Variants in ROBO2 observed in about 807,000 individuals in gnomAD.
ROBO2 encodes roundabout homolog 2.
ROBO2 carries 53 observed loss-of-function variants against 160.8 expected under a neutral mutation model. The observed-to-expected ratio is 0.33, with a 90% CI of 0.26 to 0.41. The LOEUF is 0.41. Among genes scored for constraint, ROBO2 ranks in the 10% least tolerant of loss-of-function variants. The pLI is 1.00. For synonymous variants in ROBO2, 664 were observed against 611.7 expected (o/e 1.09, Z -1.26); for missense variants, 1,577 against 1,722.4 (o/e 0.92, Z 1.49).
intron 2 of ROBO2, among the ~76,000 whole-genome samples, chr3:77,330,740 A>G (rs1431124830): frequency 6.6e-6 from 1 of 152,222 alleles, no homozygotes; most frequent in Non-Finnish European, 1.5e-5. Flanking sequence ...AGGCAGGCAA[A>G]GAAATGTGGG....
chr3:76,520,782 A>G (rs1040671825), intron 2 of ROBO2, among the ~76,000 whole-genome samples: 2 of 152,184 alleles, frequency 1.3e-5, no homozygotes, highest in African/African-American at 4.8e-5. Flanking sequence ...TGACAAAACA[A>G]AACAAAACAA....
chr3:77,200,265 T>G (rs1484666968), intron 2 of ROBO2, among the ~76,000 whole-genome samples: 1 of 59,040 alleles, frequency 1.7e-5, no homozygotes, highest in African/African-American at 5.8e-5. Flanking sequence ...AACTAACATA[T>G]TTTATATATA....
intron 2 of ROBO2, among the ~76,000 whole-genome samples, chr3:76,988,475 A>C (rs12630195): frequency 0.29 from 44,732 of 152,080 alleles, 7,140 homozygotes; most frequent in East Asian, 0.65. Flanking sequence ...TCAGAAATCT[A>C]GAAGAGAGTG....
At chr3:77,479,973 G>A (rs1039117575) in intron 3 of ROBO2, among the ~76,000 whole-genome samples, 6 of 152,062 alleles carry the variant, frequency 3.9e-5, no homozygotes, top group African/African-American at 1.4e-4. Flanking sequence ...AGTTCCATTG[G>A]TCAAATCAAG....
chr3:77,619,263 A>G (rs189070417), intron 22 of ROBO2, among the ~76,000 whole-genome samples: 1 of 152,312 alleles, frequency 6.6e-6, no homozygotes, highest in Non-Finnish European at 1.5e-5. Context: ...ATAGGAAATT[A>G]GAGGGCAGTC....
At chr3:76,467,095 G>A (rs536776584) in intron 2 of ROBO2, among the ~76,000 whole-genome samples, 1 of 152,112 alleles carries the variant, frequency 6.6e-6, no homozygotes, top group South Asian at 2.1e-4. Flanking sequence ...TATTTTATAT[G>A]TTCATGTTTA....
intron 2 of ROBO2, among the ~76,000 whole-genome samples, chr3:76,351,753 A>G (rs891290504): frequency 3.2e-4 from 48 of 152,088 alleles, no homozygotes; most frequent in African/African-American, 1.1e-3. Context: ...TTTTAGGAAG[A>G]GATGACCTGG....
At chr3:76,530,866 C>T (rs1200672489) in intron 2 of ROBO2, among the ~76,000 whole-genome samples, 3 of 152,190 alleles carry the variant, frequency 2.0e-5, no homozygotes, top group Admixed American at 6.5e-5. Context: ...AAAACACCCT[C>T]AACTTCTCTC....
chr3:77,617,035 G>T (rs999284311), intron 21 of ROBO2, among the ~76,000 whole-genome samples: 1 of 152,120 alleles, frequency 6.6e-6, no homozygotes, highest in South Asian at 2.1e-4. Context: ...TAGTCTTAAT[G>T]ACATATGGAA....
At chr3:77,272,871 C>A (rs1255488772) in intron 2 of ROBO2, among the ~76,000 whole-genome samples, 1 of 151,940 alleles carries the variant, frequency 6.6e-6, no homozygotes, top group East Asian at 2.0e-4. Context: ...TAAAAAATCT[C>A]TCTCTATATA....
At chr3:77,460,128 CAG>C (rs2082097319) in intron 2 of ROBO2, among the ~76,000 whole-genome samples, 1 of 151,906 alleles carries the variant, frequency 6.6e-6, no homozygotes, top group African/African-American at 2.4e-5. Flanking sequence ...GACAAAATGA[CAG>C]GGGCGGAAGT....
chr3:76,755,744 T>A (rs1430328474), intron 2 of ROBO2, among the ~76,000 whole-genome samples: 1 of 151,892 alleles, frequency 6.6e-6, no homozygotes, highest in African/African-American at 2.4e-5. Context: ...AATCAGTGAC[T>A]TTGATTTTTG....
intron 2 of ROBO2, among the ~76,000 whole-genome samples, chr3:76,935,876 G>A (rs550179198): frequency 6.4e-4 from 97 of 152,132 alleles, no homozygotes; most frequent in Non-Finnish European, 1.3e-3. Context: ...CATTCATGAA[G>A]ACTCTCTGCT....
intron 6 of ROBO2, among the ~76,000 whole-genome samples, chr3:77,545,480 A>G (rs1028103431): frequency 3.9e-5 from 6 of 152,134 alleles, no homozygotes; most frequent in African/African-American, 1.4e-4. Context: ...TATATATACA[A>G]TAACTTAAAT....
chr3:76,805,694 GTGTGA>G (rs2064644835), intron 2 of ROBO2, among the ~76,000 whole-genome samples: 1 of 116,452 alleles, frequency 8.6e-6, no homozygotes, highest in Non-Finnish European at 1.9e-5. Flanking sequence ...GTGTGTGTGT[GTGTGA>G]ATTTAAGTGT....
At chr3:75,907,206 C>T (rs746070368) in intron 1 of ROBO2, among the ~76,000 whole-genome samples, 10 of 152,154 alleles carry the variant, frequency 6.6e-5, no homozygotes, top group Admixed American at 2.6e-4. Context: ...TCCCCAAAGG[C>T]ACGCGTTATA....
intron 4 of ROBO2, among the ~76,000 whole-genome samples, chr3:77,482,444 G>A (rs1054478865): frequency 2.0e-5 from 3 of 152,102 alleles, no homozygotes; most frequent in Non-Finnish European, 4.4e-5. Flanking sequence ...ATTGTGCTTT[G>A]TGCATGTGTA....
intron 2 of ROBO2, among the ~76,000 whole-genome samples, chr3:76,845,942 T>C (rs1244260285): frequency 6.6e-6 from 1 of 152,094 alleles, no homozygotes; most frequent in Non-Finnish European, 1.5e-5. Context: ...ATTAAAATGC[T>C]CAACAATGGG....
At chr3:76,106,224 G>T (rs2069923637) in intron 2 of ROBO2, among the ~76,000 whole-genome samples, 1 of 152,042 alleles carries the variant, frequency 6.6e-6, no homozygotes, top group Admixed American at 6.6e-5. Flanking sequence ...GTCTGGCTGT[G>T]CTGTATATTC....
Sources: gnomAD v4.1 joint callset for allele counts (sites outside exome capture counted in the v4.1 genomes callset) on GRCh38, gnomAD v4.1.1 for gene constraint, MANE v1.5 for transcripts, NCBI Gene and HGNC (gene_info 2026-07-23, HGNC 2026-07-21) for gene names.